TEX9: variants seen among roughly 807,000 people sequenced by gnomAD.
TEX9 encodes the protein testis-expressed protein 9.
In TEX9, 74 loss-of-function variants were observed where a neutral mutation model predicts 59.6. The ratio of observed to expected loss-of-function variants is 1.24; its 90% CI spans 1.03 to 1.51. The LOEUF (loss-of-function observed/expected upper bound fraction) is 1.51. Ranked by LOEUF, TEX9 falls within the 40% of genes most tolerant of loss-of-function variation. The pLI, the probability that TEX9 is intolerant of heterozygous loss-of-function variation, is 0.00. For missense variants in TEX9, 522 were observed against 447.8 expected, an observed-to-expected ratio of 1.17 and a Z score of -1.49; for synonymous variants, 186 against 152.2, an observed-to-expected ratio of 1.22 and a Z score of -1.64.
chr15:56,375,455 T>A (rs1358443934), intron 3 of TEX9, among the ~76,000 whole-genome samples: 4 of 152,102 alleles, frequency 2.6e-5, no homozygotes, highest in Admixed American at 2.6e-4. Context: ...TTTTCTCCCA[T>A]TTTGTAGGTT....
intron 2 of TEX9, among the ~76,000 whole-genome samples, chr15:56,369,461 C>T (rs1413467664): frequency 2.6e-5 from 4 of 151,816 alleles, no homozygotes; most frequent in African/African-American, 9.7e-5. Flanking sequence ...TCCTGAGTAG[C>T]TGGGACTACA....
At chr15:56,256,508 TA>T (rs1394567921) in intron 1 of TEX9, among the ~76,000 whole-genome samples, 1 of 151,760 alleles carries the variant, frequency 6.6e-6, no homozygotes, top group African/African-American at 2.4e-5. Flanking sequence ...AAAAAATACA[TA>T]AAGTAGAAGC....
chr15:56,327,508 C>A (rs1567087067), intron 1 of TEX9, among the ~76,000 whole-genome samples: 1 of 152,134 alleles, frequency 6.6e-6, no homozygotes, highest in Non-Finnish European at 1.5e-5. Flanking sequence ...TAACAAGTAT[C>A]TACACACAAA....
At chr15:56,295,124 A>G (rs531512573) in intron 1 of TEX9, among the ~76,000 whole-genome samples, 51 of 152,178 alleles carry the variant, frequency 3.4e-4, no homozygotes, top group Non-Finnish European at 6.9e-4. Flanking sequence ...TGCTTTATGG[A>G]ACAAGTGCAG....
chr15:56,414,548 C>G (rs1365492701), intron 10 of TEX9, among the ~76,000 whole-genome samples: 3 of 150,234 alleles, frequency 2.0e-5, no homozygotes, highest in African/African-American at 7.4e-5. Flanking sequence ...CTAGCTCCAT[C>G]CATGTTCCCA....
chr15:56,350,035 T>C (rs2046547607), intron 1 of TEX9, among the ~76,000 whole-genome samples: 1 of 152,096 alleles, frequency 6.6e-6, no homozygotes, highest in South Asian at 2.1e-4. Flanking sequence ...CCCTGTGCTG[T>C]CATAGGTCCC....
rs531105288 is a variant in TEX9 at position 56,441,059 on chromosome 15, C to A, written c.*30-4612C>A. 5.9e-5 allele frequency among the ~76,000 whole-genome samples: 9 copies of A among 152,166 alleles called. No homozygotes were observed. The South Asian group carries it at 1.9e-3, about 32-fold the overall frequency. Reference sequence around the variant, plus strand: ...TCCTCTAAGCACTGCATTAACTGCACGTCACATATTTTGGAATGCTGTTTT... The same window carrying A: ...TCCTCTAAGCACTGCATTAACTGCAAGTCACATATTTTGGAATGCTGTTTT... On this transcript the variant is annotated intron_variant, in intron 12 of 12. Coordinates refer to ENST00000352903, the Ensembl canonical transcript of TEX9.
At chr15:56,393,035 C>T (rs540229083) in intron 7 of TEX9, among the ~76,000 whole-genome samples, 6 of 152,182 alleles carry the variant, frequency 3.9e-5, no homozygotes, top group Admixed American at 1.3e-4. Flanking sequence ...AAGCTAGGGT[C>T]GAGTGGGGAG....
chr15:56,374,336 C>A (rs1400437975), intron 3 of TEX9: 1 of 152,028 alleles, frequency 6.6e-6, no homozygotes, highest in Non-Finnish European at 1.5e-5. Context: ...TGGATTCCTA[C>A]CCCTGCAGAA....
intron 1 of TEX9, among the ~76,000 whole-genome samples, chr15:56,334,738 T>C (rs776271160): frequency 2.0e-5 from 3 of 152,056 alleles, no homozygotes; most frequent in East Asian, 1.9e-4. Flanking sequence ...GGAGAAAATA[T>C]TTGCCAACTA....
In TEX9 at chr15:56,429,061, A is replaced by G. The variant is rs540305965; in HGVS notation, c.*29+588A>G. On this transcript the variant is annotated intron_variant, in intron 12 of 12. Coordinates refer to ENST00000352903, the Ensembl canonical transcript of TEX9. ...AAAAGTTATGCTGACATCTAGTGGT[A>G]ACATGCAAAAAATCTATGCTTTACC... 522 of 1,311,540 alleles carry G rather than the reference A, an allele frequency of 4.0e-4. 11 individuals are homozygous for G. The South Asian group carries it at 6.5e-3, about 16-fold the overall frequency. 81.2% of individuals were successfully genotyped at this position (1,311,540 alleles called of 1,614,324 possible).
intron 1 of TEX9, among the ~76,000 whole-genome samples, chr15:56,272,745 A>G (rs2044567607): frequency 6.6e-6 from 1 of 152,204 alleles, no homozygotes; most frequent in Admixed American, 6.5e-5. Context: ...ACTTAAAAAA[A>G]TGTATAACAT....
At chr15:56,323,874 C>A (rs1191476040) in intron 1 of TEX9, among the ~76,000 whole-genome samples, 1 of 152,052 alleles carries the variant, frequency 6.6e-6, no homozygotes, top group Non-Finnish European at 1.5e-5. Context: ...ACAACTCACT[C>A]CTTTTAAAGA....
intron 7 of TEX9, among the ~76,000 whole-genome samples, chr15:56,391,686 T>C (rs2048217921): frequency 6.6e-6 from 1 of 152,088 alleles, no homozygotes; most frequent in African/African-American, 2.4e-5. Flanking sequence ...TTTTCCATTA[T>C]AAAAAGTAAA....
At chr15:56,392,384 A>T (rs551734183) in intron 7 of TEX9, among the ~76,000 whole-genome samples, 1 of 152,050 alleles carries the variant, frequency 6.6e-6, no homozygotes, top group Non-Finnish European at 1.5e-5. Flanking sequence ...CGAACAAGAG[A>T]CGGGGGAGGT....
intron 1 of TEX9, among the ~76,000 whole-genome samples, chr15:56,262,967 T>C (rs1375642138): frequency 6.6e-6 from 1 of 152,232 alleles, no homozygotes; most frequent in African/African-American, 2.4e-5. Flanking sequence ...ACCATTCTTT[T>C]GCTTTCACTC....
chr15:56,328,664 G>C (rs183326477), intron 1 of TEX9, among the ~76,000 whole-genome samples: 18 of 152,294 alleles, frequency 1.2e-4, no homozygotes, highest in Middle Eastern at 3.4e-3. Context: ...AAGGACCTGT[G>C]GTAGTAGTGG....
chr15:56,408,039 C>G (rs1247718051), intron 9 of TEX9, among the ~76,000 whole-genome samples: 1 of 152,190 alleles, frequency 6.6e-6, no homozygotes, highest in East Asian at 1.9e-4. Flanking sequence ...AGTGTACAGA[C>G]ATTTCATAGA....
intron 9 of TEX9, among the ~76,000 whole-genome samples, chr15:56,404,563 A>T (rs1350875947): frequency 6.6e-6 from 1 of 152,230 alleles, no homozygotes; most frequent in African/African-American, 2.4e-5. Flanking sequence ...ACTGTGGTGG[A>T]AGACAGTGTG....
Sources: allele counts gnomAD v4.1 joint callset (sites outside exome capture counted in the v4.1 genomes callset), GRCh38; gene constraint gnomAD v4.1.1; transcripts MANE v1.5; gene names NCBI Gene and HGNC (gene_info 2026-07-23, HGNC 2026-07-21).